DAB1: variants seen among roughly 807,000 people sequenced by gnomAD.
DAB1 encodes the protein DAB adaptor protein 1, also known as disabled homolog 1.
DAB1 carries 15 observed loss-of-function variants against 64.6 expected under a neutral mutation model. The observed-to-expected ratio is 0.23, with a 90% CI of 0.16 to 0.36. DAB1 has a LOEUF of 0.36. DAB1 is among the 10% of genes least tolerant of loss of function. DAB1 has a pLI of 1.00. For synonymous variants in DAB1, 235 were observed against 251.9 expected (o/e 0.93, Z 0.64); for missense variants, 596 against 706.7 (o/e 0.84, Z 1.78).
intron 6 of DAB1, among the ~76,000 whole-genome samples, chr1:57,765,153 A>G (rs1649255430): frequency 6.6e-6 from 1 of 152,160 alleles, no homozygotes; most frequent in Admixed American, 6.5e-5. Context: ...ATGAACCATG[A>G]AGAAGAAATT....
intron 14 of DAB1, among the ~76,000 whole-genome samples, chr1:57,002,281 C>T (rs1029605340): frequency 2.0e-5 from 3 of 152,190 alleles, no homozygotes; most frequent in Admixed American, 2.0e-4. Flanking sequence ...TTAGTGTTCT[C>T]CTGCCAATGA....
chr1:57,816,896 A>G (rs1257881978), intron 6 of DAB1, among the ~76,000 whole-genome samples: 1 of 152,208 alleles, frequency 6.6e-6, no homozygotes, highest in Non-Finnish European at 1.5e-5. Flanking sequence ...AGCAGTAAAC[A>G]AAAGTGTCCT....
chr1:57,522,928 C>T (rs1038970579), intron 7 of DAB1, among the ~76,000 whole-genome samples: 7 of 152,288 alleles, frequency 4.6e-5, no homozygotes, highest in Admixed American at 2.0e-4. Flanking sequence ...GGCTTTTGAA[C>T]GCTTGGACTT....
chr1:57,322,111 G>C (rs1412558975), intron 1 of DAB1, among the ~76,000 whole-genome samples: 1 of 151,984 alleles, frequency 6.6e-6, no homozygotes, highest in African/African-American at 2.4e-5. Context: ...AAAACAGTCA[G>C]CCCTTATGAA....
At chr1:58,117,539 T>A (rs187197666) in intron 5 of DAB1, among the ~76,000 whole-genome samples, 1 of 152,280 alleles carries the variant, frequency 6.6e-6, no homozygotes, top group Non-Finnish European at 1.5e-5. Flanking sequence ...GGGACCTCTT[T>A]CCCAAATGAT....
intron 5 of DAB1, among the ~76,000 whole-genome samples, chr1:58,143,514 G>A (rs1654399870): frequency 6.6e-6 from 1 of 152,280 alleles, no homozygotes; most frequent in African/African-American, 2.4e-5. Flanking sequence ...GGTGTGGTTG[G>A]ACAGTTCTGA....
At chr1:57,077,411 G>C (rs1652088640) in intron 4 of DAB1, among the ~76,000 whole-genome samples, 2 of 152,102 alleles carry the variant, frequency 1.3e-5, no homozygotes, top group African/African-American at 2.4e-5. Context: ...AAGAAAGAAA[G>C]GAAGTACAGG....
At chr1:58,409,899 C>A (rs912882507) in intron 3 of DAB1, among the ~76,000 whole-genome samples, 1 of 152,132 alleles carries the variant, frequency 6.6e-6, no homozygotes, top group African/African-American at 2.4e-5. Flanking sequence ...ACAAACAATC[C>A]CGTACTGTGG....
chr1:57,830,200 T>G (rs1652526511), intron 1 of DAB1, among the ~76,000 whole-genome samples: 1 of 152,190 alleles, frequency 6.6e-6, no homozygotes, highest in African/African-American at 2.4e-5. Context: ...GTCACTCAAC[T>G]TAGATGCCCT....
intron 5 of DAB1, among the ~76,000 whole-genome samples, chr1:58,007,438 A>G (rs929921335): frequency 6.6e-6 from 1 of 152,098 alleles, no homozygotes; most frequent in Non-Finnish European, 1.5e-5. Context: ...TTTTTTTCCC[A>G]CTTTAACAGC....
intron 5 of DAB1, among the ~76,000 whole-genome samples, chr1:57,964,646 C>A (rs1183115624): frequency 6.6e-6 from 1 of 152,194 alleles, no homozygotes; most frequent in Non-Finnish European, 1.5e-5. Context: ...CACTAGACTG[C>A]AAGCTCATTC....
At chr1:57,623,199 G>A (rs910359518) in intron 7 of DAB1, among the ~76,000 whole-genome samples, 5 of 152,176 alleles carry the variant, frequency 3.3e-5, no homozygotes, top group Non-Finnish European at 7.3e-5. Context: ...AGAGCTGACA[G>A]GAAGCAGGGA....
chr1:58,399,041 G>A (rs1644548411), intron 3 of DAB1, among the ~76,000 whole-genome samples: 1 of 152,208 alleles, frequency 6.6e-6, no homozygotes, highest in African/African-American at 2.4e-5. Flanking sequence ...ACAAGTAGGT[G>A]CCAGAAATTG....
At chr1:58,121,658 C>T (rs1204709786) in intron 5 of DAB1, among the ~76,000 whole-genome samples, 1 of 152,172 alleles carries the variant, frequency 6.6e-6, no homozygotes, top group Non-Finnish European at 1.5e-5. Context: ...GCCTGCCCGA[C>T]CCAACTGTGA....
intron 6 of DAB1, among the ~76,000 whole-genome samples, chr1:57,768,309 A>G (rs1229752211): frequency 1.3e-5 from 2 of 151,828 alleles, no homozygotes; most frequent in African/African-American, 4.8e-5. Flanking sequence ...CCTCTACAAG[A>G]TGGTGATAAT....
At chr1:57,955,023 C>G (rs540691458) in intron 5 of DAB1, among the ~76,000 whole-genome samples, 1 of 152,194 alleles carries the variant, frequency 6.6e-6, no homozygotes. Context: ...AGAGGCATAG[C>G]GGCCCTGTTT....
intron 7 of DAB1, among the ~76,000 whole-genome samples, chr1:57,630,977 A>G (rs1316119759): frequency 1.3e-5 from 2 of 152,222 alleles, no homozygotes; most frequent in Admixed American, 1.3e-4. Context: ...AATAATTATT[A>G]CTGCAGTTCA....
intron 4 of DAB1, among the ~76,000 whole-genome samples, chr1:58,168,720 C>A (rs1376342792): frequency 6.6e-6 from 1 of 152,132 alleles, no homozygotes; most frequent in Non-Finnish European, 1.5e-5. Flanking sequence ...GAAATGACAT[C>A]CTTCCTATTC....
At chr1:57,306,173 T>A (rs1044591176) in intron 1 of DAB1, among the ~76,000 whole-genome samples, 1 of 152,064 alleles carries the variant, frequency 6.6e-6, no homozygotes, top group African/African-American at 2.4e-5. Context: ...CGGGTCCCAC[T>A]CCTATGGTAA....
Sources: gnomAD v4.1 joint callset for allele counts (sites outside exome capture counted in the v4.1 genomes callset) on GRCh38, gnomAD v4.1.1 for gene constraint, MANE v1.5 for transcripts, NCBI Gene and HGNC (gene_info 2026-07-23, HGNC 2026-07-21) for gene names.